YWHAH: variants seen among roughly 807,000 people sequenced by gnomAD.
YWHAH encodes 14-3-3 protein eta.
YWHAH carries 6 observed loss-of-function variants against 22.9 expected under a neutral mutation model. The ratio of observed to expected loss-of-function variants is 0.26; its 90% CI spans 0.14 to 0.52. YWHAH has a LOEUF of 0.52. Ranked by LOEUF, YWHAH falls within the 20% of genes least tolerant of loss-of-function variation. The probability of loss-of-function intolerance (pLI) is 0.97; values close to 1 mark genes in which losing one functional copy is unlikely to be tolerated. For synonymous variants in YWHAH, 135 were observed against 124.5 expected, an observed-to-expected ratio of 1.08 and a Z score of -0.56; for missense variants, 173 against 308.6, an observed-to-expected ratio of 0.56 and a Z score of 3.29.
chr22:31,948,454 C>T (rs561921752), intron 1 of YWHAH, among the ~76,000 whole-genome samples: 3 of 151,488 alleles, frequency 2.0e-5, no homozygotes, highest in South Asian at 2.1e-4. Context: ...AGTCGTGGCA[C>T]GATCATAATT....
At position 31,944,673 on chromosome 22, in the gene YWHAH, C is replaced by A. The variant is rs11539380; in HGVS notation, c.-61C>A. The A allele has an allele frequency of 2.4e-6, 3 of 1,240,402 alleles. No homozygotes were observed. The highest frequency in any genetic ancestry group is 3.7e-5 in the East Asian group (1 of 27,182). 76.8% of individuals were successfully genotyped at this position (1,240,402 alleles called of 1,614,324 possible). A position where few individuals can be genotyped will look rare whatever the true frequency, so the allele number is the denominator to read the frequency against. On this transcript the variant is annotated 5_prime_UTR_variant, in exon 1 of 2. Transcript: ENST00000248975. ...CGCAGCGACCGGGGAGCGGACTGAC[C>A]GGCGGGAGGGCTAGCGAGCCAGCGG...
chr22:31,951,663 A>G (rs1477830321), intron 1 of YWHAH, among the ~76,000 whole-genome samples: 1 of 152,194 alleles, frequency 6.6e-6, no homozygotes, highest in Non-Finnish European at 1.5e-5. Context: ...ATAGTGTCAT[A>G]GGAAGATAAG....
At chr22:31,950,136 G>A (rs923708272) in intron 1 of YWHAH, among the ~76,000 whole-genome samples, 9 of 98,840 alleles carry the variant, frequency 9.1e-5, no homozygotes, top group African/African-American at 2.8e-4. Flanking sequence ...TATTGAATTT[G>A]AGTTTCTCCT....
At position 31,956,752 on chromosome 22, in the gene YWHAH, C is replaced by T. The variant is rs201532069; in HGVS notation, c.701C>T (p.Thr234Met). 7.9e-5 allele frequency: 128 copies of T among 1,610,396 alleles called. No individual in the cohort carries two copies. The highest frequency in any genetic ancestry group is 1.1e-4 in the Non-Finnish European group (124 of 1,178,190). ...CTGCGAGACAACCTCACCCTCTGGA[C>T]GAGCGACCAGCAGGATGAAGAAGCA... is the stretch of plus-strand genomic sequence containing the variant. Reference protein sequence around the residue: ...QLLRDNLTLWTSDQQDEEAGE... With the variant: ...QLLRDNLTLWMSDQQDEEAGE... The change falls in exon 2 of 2, where the codon ACG becomes ATG. Residue 234 changes from threonine (T) to methionine (M), a missense_variant. Transcript: ENST00000248975. The surrounding 1 kb of genome is among the most constrained non-coding windows in gnomAD (Gnocchi z 5.1).
chr22:31,948,480 C>T (rs1306903885), intron 1 of YWHAH, among the ~76,000 whole-genome samples: 1 of 151,816 alleles, frequency 6.6e-6, no homozygotes, highest in African/African-American at 2.4e-5. Context: ...TAGCCTTGAG[C>T]TCCTGGGCTC....
Position 31,944,796 on chromosome 22 carries a change from C to A in YWHAH, c.63C>A (p.Asp21Glu). 7.1e-7 allele frequency: 1 copy of A among 1,415,010 alleles called. No homozygotes were observed. The highest frequency in any genetic ancestry group is 9.3e-7 in the Non-Finnish European group (1 of 1,078,238). 87.7% of individuals were successfully genotyped at this position (1,415,010 alleles called of 1,614,324 possible). A position where few individuals can be genotyped will look rare whatever the true frequency, so the allele number is the denominator to read the frequency against. The change falls in exon 1 of 2, where the codon GAC (aspartate) becomes GAA (glutamate). Residue 21 changes from aspartate to glutamate, a missense_variant. Transcript: ENST00000248975. ...TGGCCGAGCAGGCGGAGCGCTACGA[C>A]GACATGGCCTCCGCTATGAAGGCGG... ...ARLAEQAERYDDMASAMKAVT... is the reference protein window; with the variant it reads ...ARLAEQAERYEDMASAMKAVT...
chr22:31,956,910 C>T lies in YWHAH; in HGVS notation c.*118C>T. The T allele has an allele frequency of 8.0e-7, 1 of 1,246,786 alleles. No homozygotes were observed. The highest frequency in any genetic ancestry group is 1.1e-6 in the Non-Finnish European group (1 of 922,436). 77.2% of individuals were successfully genotyped at this position (1,246,786 alleles called of 1,614,324 possible). ...CCTATCTGTATTGGCAGCACAGCTA[C>T]TCAGATCTGCACTCCTGTCTCTTGG... On this transcript the variant is annotated 3_prime_UTR_variant, in exon 2 of 2. Transcript: ENST00000248975. This position sits in a 1 kb window ranked among gnomAD's most constrained non-coding sequence, Gnocchi z 5.1.
At chr22:31,945,806 A>C (rs1158191728) in intron 1 of YWHAH, 5 of 689,492 alleles carry the variant, frequency 7.3e-6, no homozygotes, top group Non-Finnish European at 9.7e-6. Flanking sequence ...CCTTAGACCT[A>C]TACATTCAGA....
chr22:31,951,014 A>G (rs2149467746), intron 1 of YWHAH, among the ~76,000 whole-genome samples: 1 of 152,118 alleles, frequency 6.6e-6, no homozygotes, highest in Non-Finnish European at 1.5e-5. Flanking sequence ...GTCATGTCCC[A>G]CCCAAGTAGC....
At chr22:31,950,516 A>T in intron 1 of YWHAH, 2 of 651,916 alleles carry the variant, frequency 3.1e-6, no homozygotes, top group East Asian at 2.6e-5. Context: ...CAGTAATGCC[A>T]TTCAGATGGT....
intron 1 of YWHAH, among the ~76,000 whole-genome samples, chr22:31,951,121 T>C (rs1394931140): frequency 6.6e-6 from 1 of 152,134 alleles, no homozygotes; most frequent in Admixed American, 6.5e-5. Flanking sequence ...TCGTACTCCC[T>C]GGCCTCAAGT....
rs1482625716 is a variant in YWHAH at position 31,956,776 on chromosome 22, C to G, written c.725C>G (p.Ala242Gly). ...ACGAGCGACCAGCAGGATGAAGAAG[C>G]AGGAGAAGGCAACTGAAGATCCTTC... is the stretch of plus-strand genomic sequence containing the variant. ...LWTSDQQDEE[A>G]GEGN Residue 242 changes from alanine to glycine, a missense_variant, in exon 2 of 2, where the codon GCA becomes GGA. Ala to Gly is a moderately conservative substitution (Grantham distance 60). Transcript: ENST00000248975. This position sits in a 1 kb window ranked among gnomAD's most constrained non-coding sequence, Gnocchi z 5.1. 1 of 1,599,100 alleles carries G rather than the reference C, an allele frequency of 6.3e-7. No individual in the cohort carries two copies. The highest frequency in any genetic ancestry group is 1.7e-5 in the Admixed American group (1 of 57,890).
intron 1 of YWHAH, among the ~76,000 whole-genome samples, chr22:31,955,654 A>G (rs1028220870): frequency 4.0e-5 from 6 of 151,858 alleles, no homozygotes; most frequent in Admixed American, 1.3e-4. Context: ...TGTTGGCCAG[A>G]ATGGTCTCGA....
intron 1 of YWHAH, among the ~76,000 whole-genome samples, chr22:31,949,598 C>T (rs919715706): frequency 1.2e-4 from 18 of 151,230 alleles, no homozygotes; most frequent in African/African-American, 4.1e-4. Flanking sequence ...CCTGGGTTCA[C>T]GCCATTCTCC....
At chr22:31,949,521 G>A (rs1328593392) in intron 1 of YWHAH, among the ~76,000 whole-genome samples, 3 of 151,194 alleles carry the variant, frequency 2.0e-5, no homozygotes, top group Non-Finnish European at 4.4e-5. Context: ...GGTGGGGGGG[G>A]GAGTCATGCT....
chr22:31,944,839 C>G lies in YWHAH; in HGVS notation c.87+19C>G. 1 of 1,353,432 alleles carries G rather than the reference C, an allele frequency of 7.4e-7. No homozygotes were observed. Among genetic ancestry groups the G allele is most frequent in the South Asian group, 1.5e-5 (1 of 64,930 alleles). 83.8% of individuals were successfully genotyped at this position (1,353,432 alleles called of 1,614,324 possible). The stretch of plus-strand genomic sequence containing the variant: ...GAAGGCGGTGAGCGCGCCGGGAGCC[C>G]GGGCGGCTGGCCGGGGGGGGCCTGG... On this transcript the variant is annotated intron_variant, in intron 1 of 1. Coordinates refer to ENST00000248975, the MANE Select transcript of YWHAH (RefSeq NM_003405.4).
chr22:31,954,806 C>T (rs765670097), intron 1 of YWHAH, among the ~76,000 whole-genome samples: 3 of 152,184 alleles, frequency 2.0e-5, no homozygotes, highest in African/African-American at 4.8e-5. Flanking sequence ...GCACTTAGGG[C>T]ACACCCTAAT....
At position 31,956,755 on chromosome 22, in the gene YWHAH, G is replaced by C. The variant is rs932053472; in HGVS notation, c.704G>C (p.Ser235Thr). ...LLRDNLTLWTSDQQDEEAGEG... is the reference protein window; with the variant it reads ...LLRDNLTLWTTDQQDEEAGEG... ...CGAGACAACCTCACCCTCTGGACGAGCGACCAGCAGGATGAAGAAGCAGGA... is the reference window on the plus strand; with the variant it reads ...CGAGACAACCTCACCCTCTGGACGACCGACCAGCAGGATGAAGAAGCAGGA... The change falls in exon 2 of 2, where the codon AGC becomes ACC. Residue 235 changes from serine to threonine, a missense_variant. By Grantham distance (58) the Ser-to-Thr change is moderately conservative. Transcript: ENST00000248975. The surrounding 1 kb of genome is among the most constrained non-coding windows in gnomAD (Gnocchi z 5.1). 6.2e-7 allele frequency: 1 copy of C among 1,609,422 alleles called. No homozygotes were observed. The highest frequency in any genetic ancestry group is 8.5e-7 in the Non-Finnish European group (1 of 1,177,640).
intron 1 of YWHAH, among the ~76,000 whole-genome samples, chr22:31,954,388 G>A (rs2093846979): frequency 6.6e-6 from 1 of 152,032 alleles, no homozygotes; most frequent in African/African-American, 2.4e-5. Context: ...CATCTTTTAA[G>A]GGCTTGTGAA....
Sources: gnomAD v4.1 joint callset for allele counts (sites outside exome capture counted in the v4.1 genomes callset) on GRCh38, gnomAD v4.1.1 for gene constraint, Gnocchi (gnomAD v3.1) non-coding constraint, MANE v1.5 for transcripts, NCBI Gene and HGNC (gene_info 2026-07-23, HGNC 2026-07-21) for gene names.